Variants in SERGEF observed in about 807,000 individuals in gnomAD.
The protein encoded by SERGEF is secretion regulating guanine nucleotide exchange factor, also known as secretion-regulating guanine nucleotide exchange factor.
A neutral mutation model predicts 50.0 loss-of-function variants in SERGEF; 51 were observed. That is an observed-to-expected ratio of 1.02 (90% CI 0.81 to 1.29). The LOEUF (loss-of-function observed/expected upper bound fraction) is 1.29. Ranked by LOEUF, SERGEF falls within the 50% of genes most tolerant of loss-of-function variation. The pLI is 0.00. For missense variants in SERGEF, 521 were observed against 557.0 expected, an observed-to-expected ratio of 0.94 and a Z score of 0.65; for synonymous variants, 205 against 212.4, an observed-to-expected ratio of 0.97 and a Z score of 0.30.
At chr11:17,903,513 G>A (rs1851785103) in intron 9 of SERGEF, among the ~76,000 whole-genome samples, 3 of 152,170 alleles carry the variant, frequency 2.0e-5, no homozygotes, top group East Asian at 1.9e-4. Flanking sequence ...TAGATAGATT[G>A]TAGAATGTTT....
chr11:17,846,538 G>T, intron 10 of SERGEF: 1 of 365,620 alleles, frequency 2.7e-6, no homozygotes, highest in Non-Finnish European at 5.4e-6. Flanking sequence ...TTTCTCTGAA[G>T]TATTGAACAA....
At chr11:17,849,792 T>C (rs1488443885) in intron 10 of SERGEF, among the ~76,000 whole-genome samples, 1 of 152,230 alleles carries the variant, frequency 6.6e-6, no homozygotes, top group Non-Finnish European at 1.5e-5. Context: ...TTATTCACGG[T>C]CAATACCATC....
At chr11:17,945,237 A>G (rs1852635707) in intron 9 of SERGEF, among the ~76,000 whole-genome samples, 1 of 152,290 alleles carries the variant, frequency 6.6e-6, no homozygotes, top group Non-Finnish European at 1.5e-5. Context: ...TTAATAATGT[A>G]TGTTTGAGTG....
chr11:17,794,519 T>A (rs1849541990), intron 10 of SERGEF, among the ~76,000 whole-genome samples: 2 of 152,236 alleles, frequency 1.3e-5, no homozygotes, highest in Non-Finnish European at 2.9e-5. Context: ...AGGACTAGAA[T>A]CCAGGACTCC....
chr11:17,815,783 G>A lies in SERGEF; in HGVS notation c.1049-27370C>T, dbSNP rs185439004. On this transcript the variant is annotated intron_variant, in intron 10 of 10. Coordinates refer to ENST00000265965, the MANE Select transcript of SERGEF (RefSeq NM_012139.4). ...CTAAAAATACAAAAATTAGCTGGGC[G>A]TGGTGGCAGGTGCCTGTAGTCTCAG... 5.6e-3 allele frequency among the ~76,000 whole-genome samples: 849 copies of A among 152,076 alleles called. 6 individuals carry two copies. The highest frequency in any genetic ancestry group is 0.019 in the African/African-American group (805 of 41,456).
At chr11:17,959,908 A>C (rs1852962631) in intron 8 of SERGEF, among the ~76,000 whole-genome samples, 1 of 152,214 alleles carries the variant, frequency 6.6e-6, no homozygotes, top group South Asian at 2.1e-4. Context: ...CTGCTCTTGC[A>C]TGTTATATAG....
intron 9 of SERGEF, among the ~76,000 whole-genome samples, chr11:17,908,919 GC>G (rs1851900690): frequency 6.6e-6 from 1 of 152,212 alleles, no homozygotes; most frequent in African/African-American, 2.4e-5. Flanking sequence ...GAATCTCAGG[GC>G]CTGAGAGGTA....
intron 10 of SERGEF, among the ~76,000 whole-genome samples, chr11:17,861,088 C>T (rs1850918869): frequency 6.6e-6 from 1 of 152,150 alleles, no homozygotes; most frequent in Admixed American, 6.5e-5. Context: ...ATTGTGTACC[C>T]AGGAAGAACA....
At chr11:17,864,140 C>T (rs761163160) in intron 10 of SERGEF, among the ~76,000 whole-genome samples, 61 of 152,208 alleles carry the variant, frequency 4.0e-4, no homozygotes, top group African/African-American at 9.7e-4. Context: ...GATTTACTTT[C>T]GCAAGGCCTC....
At chr11:17,939,215 G>T (rs1852514678) in intron 9 of SERGEF, among the ~76,000 whole-genome samples, 1 of 152,164 alleles carries the variant, frequency 6.6e-6, no homozygotes, top group Non-Finnish European at 1.5e-5. Context: ...AGAACAAGAG[G>T]GGAAGGTTGG....
chr11:18,000,581 T>G (rs375439514), intron 4 of SERGEF, 24 bp from the exon 5 acceptor site: 6 of 1,540,504 alleles, frequency 3.9e-6, no homozygotes, highest in Non-Finnish European at 4.4e-6. Context: ...GAAAAGGATT[T>G]AGATCTCAGA....
At chr11:17,837,764 G>A (rs1219454237) in intron 10 of SERGEF, among the ~76,000 whole-genome samples, 10 of 150,764 alleles carry the variant, frequency 6.6e-5, no homozygotes, top group South Asian at 2.1e-4. Context: ...GGGTTCAAGC[G>A]GTTCTCCTGC....
intron 8 of SERGEF, among the ~76,000 whole-genome samples, chr11:17,967,029 TAAC>T (rs1181999306): frequency 6.6e-5 from 10 of 152,212 alleles, no homozygotes; most frequent in South Asian, 6.2e-4. Context: ...GCTGCAATAA[TAAC>T]AATAATAATT....
chr11:17,843,773 C>A (rs969845265), intron 10 of SERGEF, among the ~76,000 whole-genome samples: 5 of 152,124 alleles, frequency 3.3e-5, no homozygotes, highest in African/African-American at 1.2e-4. Flanking sequence ...TACAGCCCCT[C>A]CTCCTCAGAG....
chr11:17,851,803 A>G (rs1334604277), intron 10 of SERGEF, among the ~76,000 whole-genome samples: 1 of 152,198 alleles, frequency 6.6e-6, no homozygotes, highest in Admixed American at 6.5e-5. Flanking sequence ...ACTAATGAGG[A>G]AAAAGATATG....
intron 10 of SERGEF, among the ~76,000 whole-genome samples, chr11:17,821,865 C>T (rs924230516): frequency 2.6e-5 from 4 of 152,192 alleles, no homozygotes; most frequent in African/African-American, 4.8e-5. Flanking sequence ...TCCTCAGCAT[C>T]CACAACATAG....
chr11:17,921,368 A>G (rs1852152878), intron 9 of SERGEF, among the ~76,000 whole-genome samples: 1 of 152,248 alleles, frequency 6.6e-6, no homozygotes, highest in South Asian at 2.1e-4. Flanking sequence ...TCTAATATTC[A>G]CAATCCAAGG....
intron 9 of SERGEF, among the ~76,000 whole-genome samples, chr11:17,902,418 ACAGG>A (rs1172767320): frequency 1.3e-5 from 2 of 152,050 alleles, no homozygotes; most frequent in Admixed American, 1.3e-4. Context: ...AAGGGAGCAA[ACAGG>A]AATGGATGAA....
intron 10 of SERGEF, among the ~76,000 whole-genome samples, chr11:17,809,212 T>G (rs934776594): frequency 6.6e-6 from 1 of 152,002 alleles, no homozygotes; most frequent in Admixed American, 6.6e-5. Flanking sequence ...AAGACCTAGC[T>G]GGGGGAAGGA....
Sources: allele counts gnomAD v4.1 joint callset (sites outside exome capture counted in the v4.1 genomes callset), GRCh38; gene constraint gnomAD v4.1.1; transcripts MANE v1.5; gene names NCBI Gene and HGNC (gene_info 2026-07-23, HGNC 2026-07-21).